Variants in NEBL observed in about 807,000 individuals in gnomAD.
NEBL encodes LIM and SH3 protein 2.
NEBL carries 122 observed loss-of-function variants against 140.2 expected under a neutral mutation model. The observed-to-expected ratio is 0.87, with a 90% CI of 0.75 to 1.01. NEBL has a LOEUF of 1.01. Among genes scored for constraint, NEBL ranks in the 50% least tolerant of loss-of-function variants. The probability of loss-of-function intolerance (pLI) is 0.00; values close to 1 mark genes in which losing one functional copy is unlikely to be tolerated. For missense variants in NEBL, 1,365 were observed against 1,231.3 expected (o/e 1.11, Z -1.62); for synonymous variants, 436 against 398.9 (o/e 1.09, Z -1.11).
At chr10:21,000,789 C>T (rs1466372709) in intron 3 of NEBL, among the ~76,000 whole-genome samples, 2 of 152,108 alleles carry the variant, frequency 1.3e-5, no homozygotes, top group African/African-American at 2.4e-5. Flanking sequence ...TTTCTGGATG[C>T]TCTGCTGTTT....
chr10:20,881,104 T>A (rs191310316), intron 4 of NEBL, among the ~76,000 whole-genome samples, 200 bp from the exon 5 acceptor site: 83 of 152,336 alleles, frequency 5.4e-4, no homozygotes, highest in African/African-American at 2.0e-3. Flanking sequence ...CTCTTTGTTG[T>A]TTACTTCAAA....
intron 2 of NEBL, among the ~76,000 whole-genome samples, chr10:21,144,545 G>A (rs190384220): frequency 1.5e-3 from 231 of 152,250 alleles, no homozygotes; most frequent in Middle Eastern, 3.4e-3. Flanking sequence ...GGCCAACCTG[G>A]CAAAACCTTG....
In NEBL at chr10:20,850,460, T is replaced by C. The variant is rs4025981; in HGVS notation, c.1051A>G (p.Met351Val). Residue 351 changes from methionine to valine, a missense_variant, in exon 11 of 28, where the codon ATG becomes GTG. Transcript: ENST00000377122. The part of the protein sequence containing the change: ...EEYEKNKGKP[M>V]LEFVETPSYQ... ...GATGGTGTCTCAACAAATTCAAGCA[T>C]TGGCTTTCCCTTATTTTTCTCATAT... is the stretch of plus-strand genomic sequence containing the variant. The C allele has an allele frequency of 0.075, 120,290 of 1,610,210 alleles. 5,193 individuals are homozygous for C. The highest frequency in any genetic ancestry group is 0.17 in the Middle Eastern group (1,034 of 6,042).
chr10:21,287,539 GAA>G (rs1418021191), intron 1 of NEBL, among the ~76,000 whole-genome samples: 1 of 151,978 alleles, frequency 6.6e-6, no homozygotes, highest in East Asian at 1.9e-4. Flanking sequence ...CCGTGGAAAA[GAA>G]AAAGAGTCAA....
intron 2 of NEBL, among the ~76,000 whole-genome samples, chr10:21,139,177 GA>G (rs149966925): frequency 0.014 from 2,119 of 152,202 alleles, 46 homozygotes; most frequent in African/African-American, 0.047. Context: ...AGCACTAGTG[GA>G]ACTTTTTCTG....
intron 1 of NEBL, among the ~76,000 whole-genome samples, chr10:21,255,543 T>C (rs1842646324): frequency 6.6e-6 from 1 of 152,236 alleles, no homozygotes; most frequent in East Asian, 1.9e-4. Flanking sequence ...TCCTTCATTA[T>C]ACCGGTCACA....
chr10:21,028,888 G>C, intron 2 of NEBL: 1 of 404,178 alleles, frequency 2.5e-6, no homozygotes, highest in Non-Finnish European at 4.4e-6. Context: ...GGCAATACTT[G>C]CCAGCTAAAA....
chr10:20,944,125 G>A (rs1177804636), intron 4 of NEBL, among the ~76,000 whole-genome samples: 4 of 152,182 alleles, frequency 2.6e-5, no homozygotes, highest in Admixed American at 1.3e-4. Context: ...TAGGCCGGGC[G>A]CAGTGGCTCA....
At chr10:21,241,075 G>T (rs1326795425) in intron 3 of NEBL, among the ~76,000 whole-genome samples, 1 of 151,782 alleles carries the variant, frequency 6.6e-6, no homozygotes, top group Non-Finnish European at 1.5e-5. Flanking sequence ...TCACAGATTT[G>T]TGAAAAGAGG....
At chr10:20,807,925 A>G (rs1837753369) in intron 26 of NEBL, among the ~76,000 whole-genome samples, 1 of 152,066 alleles carries the variant, frequency 6.6e-6, no homozygotes, top group East Asian at 1.9e-4. Context: ...ATACAGGAAA[A>G]GAGTGGGTAT....
chr10:21,266,712 C>T (rs934290292), intron 1 of NEBL, among the ~76,000 whole-genome samples: 6 of 152,190 alleles, frequency 3.9e-5, no homozygotes, highest in Non-Finnish European at 8.8e-5. Flanking sequence ...AGGGGAAGCA[C>T]TAAGGTGAGC....
chr10:21,268,108 G>C (rs1337998630), intron 1 of NEBL, among the ~76,000 whole-genome samples: 1 of 152,082 alleles, frequency 6.6e-6, no homozygotes, highest in Non-Finnish European at 1.5e-5. Flanking sequence ...AGTCAGTCCT[G>C]GTGTTTGAAA....
intron 24 of NEBL, among the ~76,000 whole-genome samples, chr10:20,811,093 A>G (rs889707154): frequency 1.3e-5 from 2 of 152,220 alleles, no homozygotes; most frequent in Non-Finnish European, 2.9e-5. Context: ...GGCTCATTGG[A>G]AAGTTTAATG....
At chr10:21,018,501 T>A (rs1271484814) in intron 3 of NEBL, among the ~76,000 whole-genome samples, 1 of 151,672 alleles carries the variant, frequency 6.6e-6, no homozygotes, top group Admixed American at 6.6e-5. Context: ...AAAACCAGTA[T>A]ACAAACACCA....
At chr10:20,825,550 C>T (rs888942968) in intron 18 of NEBL, among the ~76,000 whole-genome samples, 3 of 151,672 alleles carry the variant, frequency 2.0e-5, no homozygotes, top group Non-Finnish European at 4.4e-5. Flanking sequence ...GCCTGTAATC[C>T]CAGCTACTCG....
intron 11 of NEBL, among the ~76,000 whole-genome samples, chr10:20,848,896 T>C (rs1218612298): frequency 6.6e-6 from 1 of 152,208 alleles, no homozygotes; most frequent in Non-Finnish European, 1.5e-5. Context: ...ACCATAGTAA[T>C]ATCTGAGTGC....
In NEBL at chr10:21,281,816, T is replaced by G. The variant is rs192752229; in HGVS notation, n.182+11014A>C. On this transcript the variant is annotated intron_variant and non_coding_transcript_variant, in intron 1 of 8. Transcript: ENST00000675702. ...TCACTGCCCTAAAAGTCCTCTGTCC[T>G]CCCCCTTCTCATCCCTCCGTCCCTT... is the stretch of plus-strand genomic sequence containing the variant. 2.6e-5 allele frequency among the ~76,000 whole-genome samples: 4 copies of G among 152,246 alleles called. No individual in the cohort carries two copies. The East Asian group carries it at 7.7e-4, about 29-fold the overall frequency.
At chr10:20,951,387 C>CA (rs11345723) in intron 4 of NEBL, among the ~76,000 whole-genome samples, 1,501 of 117,762 alleles carry the variant, frequency 0.013, 25 homozygotes, top group South Asian at 0.055. Flanking sequence ...AAAATATGAG[C>CA]AAAAAAAAAA....
chr10:21,199,622 T>C (rs1250242236), intron 3 of NEBL, among the ~76,000 whole-genome samples: 2 of 152,186 alleles, frequency 1.3e-5, no homozygotes, highest in African/African-American at 4.8e-5. Flanking sequence ...GAGAAGGAAC[T>C]GTGCTGTCAG....
Sources: allele counts gnomAD v4.1 joint callset (sites outside exome capture counted in the v4.1 genomes callset), GRCh38; gene constraint gnomAD v4.1.1; transcripts MANE v1.5; gene names NCBI Gene and HGNC (gene_info 2026-07-23, HGNC 2026-07-21).